The following CCDC169 variants were observed in gnomAD, a reference collection of about 807,000 sequenced individuals.
The protein encoded by CCDC169 is coiled-coil domain-containing protein 169.
Under a neutral mutation model 36.0 loss-of-function variants are expected in CCDC169, and 30 were observed. The ratio of observed to expected loss-of-function variants is 0.83; its 90% CI spans 0.62 to 1.13. The LOEUF (loss-of-function observed/expected upper bound fraction) is 1.13. CCDC169 is among the 50% of genes most tolerant of loss of function. The pLI, the probability that CCDC169 is intolerant of heterozygous loss-of-function variation, is 0.00. For missense variants in CCDC169, 245 were observed against 245.9 expected, an observed-to-expected ratio of 1.00 and a Z score of 0.03; for synonymous variants, 85 against 81.5, an observed-to-expected ratio of 1.04 and a Z score of -0.23.
downstream of CCDC169, among the ~76,000 whole-genome samples, chr13:36,230,511 A>C (rs1870302291): frequency 6.6e-6 from 1 of 152,208 alleles, no homozygotes; most frequent in South Asian, 2.1e-4. Context: ...TCACAAAATG[A>C]CTTAAATCAC....
chr13:36,297,293 A>C (rs956403360), intron 1 of CCDC169, among the ~76,000 whole-genome samples: 1 of 152,226 alleles, frequency 6.6e-6, no homozygotes, highest in African/African-American at 2.4e-5. Context: ...TAACTAAATA[A>C]AATCTTTGGA....
At chr13:36,284,809 G>A (rs899290667) in intron 2 of CCDC169, among the ~76,000 whole-genome samples, 4 of 152,112 alleles carry the variant, frequency 2.6e-5, no homozygotes, top group Non-Finnish European at 5.9e-5. Flanking sequence ...AAGAGTTAAG[G>A]AGAAAGAGTA....
intron 2 of CCDC169, among the ~76,000 whole-genome samples, chr13:36,285,618 GATAC>G (rs374083543): frequency 0.015 from 2,037 of 133,444 alleles, 20 homozygotes; most frequent in Non-Finnish European, 0.016. Context: ...TAGATAGATA[GATAC>G]ATAGATACAT....
Position 36,233,516 on chromosome 13 carries a change from T to TCCA in CCDC169, c.546-2225_546-2224insTGG, listed in dbSNP as rs200473037. Among the ~76,000 whole-genome samples, 200 of 137,776 alleles carry TCCA rather than the reference T, an allele frequency of 1.5e-3. 3 individuals are homozygous for TCCA. The East Asian group carries it at 0.039, about 27-fold the overall frequency. 90.4% of individuals were successfully genotyped at this position (137,776 alleles called of 152,430 possible). On this transcript the variant is annotated intron_variant, in intron 7 of 7. Transcript: ENST00000239859. The stretch of plus-strand genomic sequence containing the variant: ...AGACTTAATAGAGAAAGACTTTAAA[T>TCCA]CTACTATTTTAAAGAACTAAAGGAA...
chr13:36,250,988 C>A (rs1041516898), intron 6 of CCDC169, among the ~76,000 whole-genome samples: 3 of 152,294 alleles, frequency 2.0e-5, no homozygotes. Flanking sequence ...AAGATAGAAG[C>A]TAAAACTTAA....
chr13:36,282,426 T>C, intron 4 of CCDC169: 1 of 985,428 alleles, frequency 1.0e-6, no homozygotes, highest in Non-Finnish European at 1.2e-6. Flanking sequence ...GCTTAGTAAT[T>C]GGACACTTCT....
At chr13:36,248,171 C>T (rs1057483497) in intron 7 of CCDC169, among the ~76,000 whole-genome samples, 1 of 152,114 alleles carries the variant, frequency 6.6e-6, no homozygotes, top group Non-Finnish European at 1.5e-5. Flanking sequence ...TAATAGACTA[C>T]AGTAATGGTA....
chr13:36,254,274 A>AATTTTTT lies in CCDC169; in HGVS notation c.316-132_316-131insAAAAAAT, dbSNP rs745490666. The AATTTTTT allele has an allele frequency of 2.1e-4, 89 of 416,336 alleles. 5 individuals are homozygous for AATTTTTT. The highest frequency in any genetic ancestry group is 4.2e-4 in the East Asian group (9 of 21,302). The allele number at this position is 416,336 out of a possible 1,614,324, so 25.8% of individuals were successfully genotyped here. ...GTGATTTCATAATTCTATGATATGT[A>AATTTTTT]CTTTTTTTTTTTTTTTTTTTAGACA... On this transcript the variant is annotated intron_variant, in intron 4 of 7. Coordinates refer to ENST00000239859, the MANE Select transcript of CCDC169 (RefSeq NM_001144981.3).
chr13:36,290,732 T>G (rs1878777582), intron 2 of CCDC169, among the ~76,000 whole-genome samples: 1 of 152,250 alleles, frequency 6.6e-6, no homozygotes, highest in African/African-American at 2.4e-5. Context: ...TGAGTTTTGG[T>G]TTTTGGCTCT....
At chr13:36,226,719 C>T (rs139040696), downstream of CCDC169, 29 of 164,712 alleles carry the variant, frequency 1.8e-4, no homozygotes, top group East Asian at 4.9e-3. Context: ...TGCATGTTCT[C>T]GCTTACAAGT....
downstream of CCDC169, chr13:36,222,864 A>G (rs1026242013): frequency 3.9e-5 from 6 of 152,154 alleles, no homozygotes; most frequent in African/African-American, 1.4e-4. Flanking sequence ...TGCCTATCCA[A>G]TTACTTAAAG....
intron 2 of CCDC169, among the ~76,000 whole-genome samples, chr13:36,291,297 T>C (rs565951228): frequency 1.4e-5 from 2 of 140,874 alleles, no homozygotes; most frequent in East Asian, 2.6e-4. Flanking sequence ...CTTTCCCAAA[T>C]TTATTTTATT....
intron 6 of CCDC169, among the ~76,000 whole-genome samples, chr13:36,249,951 A>AATTC (rs6145002): frequency 0.4 from 61,194 of 151,546 alleles, 13,094 homozygotes; most frequent in Non-Finnish European, 0.48. Flanking sequence ...CAGAAAATAG[A>AATTC]ATTCATTCAT....
chr13:36,258,924 C>G (rs1028724423), intron 4 of CCDC169, among the ~76,000 whole-genome samples: 1 of 152,168 alleles, frequency 6.6e-6, no homozygotes, highest in East Asian at 1.9e-4. Context: ...CCAGACATTA[C>G]AGTGTGACTG....
intron 7 of CCDC169, among the ~76,000 whole-genome samples, chr13:36,242,521 A>C (rs1489002483): frequency 6.6e-6 from 1 of 152,188 alleles, no homozygotes; most frequent in Non-Finnish European, 1.5e-5. Flanking sequence ...ATATATACCT[A>C]ATTTGGATGA....
chr13:36,238,078 A>G (rs1187198533), intron 7 of CCDC169, among the ~76,000 whole-genome samples: 6 of 152,178 alleles, frequency 3.9e-5, no homozygotes, highest in African/African-American at 1.4e-4. Context: ...AAGACCAGAG[A>G]AAACCATAAA....
At chr13:36,236,168 G>C (rs1871060683) in intron 7 of CCDC169, among the ~76,000 whole-genome samples, 1 of 151,360 alleles carries the variant, frequency 6.6e-6, no homozygotes, top group East Asian at 2.0e-4. Flanking sequence ...AATCCACATG[G>C]AAATAAAAGG....
At chr13:36,296,930 T>A (rs1038082632) in intron 1 of CCDC169, among the ~76,000 whole-genome samples, 1 of 152,236 alleles carries the variant, frequency 6.6e-6, no homozygotes, top group African/African-American at 2.4e-5. Context: ...TTTGCAGGAC[T>A]GTCCTCAAGT....
At chr13:36,296,933 C>A (rs1228060224) in intron 1 of CCDC169, among the ~76,000 whole-genome samples, 1 of 152,168 alleles carries the variant, frequency 6.6e-6, no homozygotes, top group Non-Finnish European at 1.5e-5. Flanking sequence ...GCAGGACTGT[C>A]CTCAAGTACT....
Sources: allele counts gnomAD v4.1 joint callset (sites outside exome capture counted in the v4.1 genomes callset), GRCh38; gene constraint gnomAD v4.1.1; transcripts MANE v1.5; gene names NCBI Gene and HGNC (gene_info 2026-07-23, HGNC 2026-07-21).